Variants in IQGAP2 observed in about 807,000 individuals in gnomAD.
IQGAP2 encodes ras GTPase-activating-like protein IQGAP2.
A neutral mutation model predicts 201.3 loss-of-function variants in IQGAP2; 173 were observed. The ratio of observed to expected loss-of-function variants is 0.86; its 90% CI spans 0.76 to 0.98. The LOEUF is 0.98. Ranked by LOEUF, IQGAP2 falls within the 50% of genes least tolerant of loss-of-function variation. IQGAP2 has a pLI of 0.00. For synonymous variants in IQGAP2, 675 were observed against 673.9 expected (o/e 1.00, Z -0.03); for missense variants, 1,687 against 1,864.8 (o/e 0.90, Z 1.76).
chr5:76,667,918 G>A (rs1354238267), intron 22 of IQGAP2, among the ~76,000 whole-genome samples: 3 of 125,708 alleles, frequency 2.4e-5, no homozygotes, highest in Non-Finnish European at 4.7e-5. Context: ...AGTCTGTGTT[G>A]TCTAGGCTGG....
rs980636272 is a variant in IQGAP2, at chr5:76,403,492, A to G, written c.-54A>G. 2.9e-6 allele frequency: 4 copies of G among 1,382,596 alleles called. No homozygotes were observed. Among genetic ancestry groups the G allele is most frequent in the Non-Finnish European group, 3.8e-6 (4 of 1,065,928 alleles). 85.6% of individuals were successfully genotyped at this position (1,382,596 alleles called of 1,614,324 possible). On this transcript the variant is annotated 5_prime_UTR_variant, in exon 1 of 36. Transcript: ENST00000274364. This position sits in a 1 kb window ranked among gnomAD's most constrained non-coding sequence, Gnocchi z 4.8. ...GGGCGCAGAGCCCGCGAGCCTGGCC[A>G]GCGAGGGTAGCCGCGGGGGGCGCGC...
intron 35 of IQGAP2, among the ~76,000 whole-genome samples, chr5:76,706,467 C>G (rs866308257): frequency 6.6e-6 from 1 of 152,076 alleles, no homozygotes; most frequent in East Asian, 1.9e-4. Flanking sequence ...CCTGCCTCAG[C>G]CTCCTGAGTA....
chr5:76,463,752 A>T (rs1454480239), intron 2 of IQGAP2, among the ~76,000 whole-genome samples: 3 of 152,200 alleles, frequency 2.0e-5, no homozygotes, highest in Non-Finnish European at 4.4e-5. Context: ...TTTTCCTCTA[A>T]GATGGCTTTT....
intron 9 of IQGAP2, among the ~76,000 whole-genome samples, chr5:76,593,514 T>C (rs145459417): frequency 4.6e-5 from 7 of 152,308 alleles, no homozygotes; most frequent in Non-Finnish European, 1.0e-4. Context: ...AGTGTCTGAT[T>C]GTAAAGAACA....
intron 2 of IQGAP2, among the ~76,000 whole-genome samples, chr5:76,528,434 A>G (rs899629662): frequency 2.0e-5 from 3 of 152,224 alleles, no homozygotes; most frequent in South Asian, 2.1e-4. Context: ...GGAAGCAGGT[A>G]AAAGGTGTCA....
At chr5:76,588,438 CTATT>C (rs1477947386) in intron 5 of IQGAP2, among the ~76,000 whole-genome samples, 1 of 152,132 alleles carries the variant, frequency 6.6e-6, no homozygotes, top group Non-Finnish European at 1.5e-5. Flanking sequence ...TCTTGCCACT[CTATT>C]TATTGGTTTA....
intron 21 of IQGAP2, chr5:76,660,162 G>T (rs1005918178): frequency 6.6e-6 from 1 of 152,216 alleles, no homozygotes; most frequent in African/African-American, 2.4e-5. Flanking sequence ...GCAGCCACAG[G>T]AGGCTGCCAG....
chr5:76,487,214 T>C (rs542725152), intron 2 of IQGAP2, among the ~76,000 whole-genome samples: 2 of 152,038 alleles, frequency 1.3e-5, no homozygotes, highest in South Asian at 2.1e-4. Context: ...TTTTCCTGCC[T>C]CAACCTCCTG....
At chr5:76,537,136 A>G (rs1474634417) in intron 2 of IQGAP2, among the ~76,000 whole-genome samples, 1 of 152,230 alleles carries the variant, frequency 6.6e-6, no homozygotes, top group Non-Finnish European at 1.5e-5. Context: ...CTTACTAAAC[A>G]AAATTCCTTT....
intron 29 of IQGAP2, 48 bp from the exon 30 acceptor site, chr5:76,683,728 A>C (rs1295373564): frequency 2.0e-5 from 31 of 1,553,586 alleles, no homozygotes; most frequent in Non-Finnish European, 2.3e-5. Context: ...TGGTGCCATC[A>C]TCACAAAGAG....
intron 13 of IQGAP2, among the ~76,000 whole-genome samples, chr5:76,625,997 T>A (rs1750185805): frequency 6.6e-6 from 1 of 152,226 alleles, no homozygotes. Flanking sequence ...CCACTTAATA[T>A]CTGTCAGGGC....
chr5:76,636,236 T>G (rs1335018884), intron 15 of IQGAP2, among the ~76,000 whole-genome samples: 1 of 152,258 alleles, frequency 6.6e-6, no homozygotes, highest in African/African-American at 2.4e-5. Flanking sequence ...TTAGAACTTC[T>G]TATGTTTTTC....
At chr5:76,595,045 T>C (rs550425836) in intron 9 of IQGAP2, among the ~76,000 whole-genome samples, 2 of 152,096 alleles carry the variant, frequency 1.3e-5, no homozygotes, top group African/African-American at 4.8e-5. Flanking sequence ...TATATTAAAA[T>C]GTTAAGGCAT....
chr5:76,485,168 T>C (rs1033133570), intron 2 of IQGAP2, among the ~76,000 whole-genome samples: 1 of 151,914 alleles, frequency 6.6e-6, no homozygotes, highest in Admixed American at 6.6e-5. Context: ...CACCTCGAGG[T>C]AGGGTGCGAA....
chr5:76,617,969 A>G, intron 13 of IQGAP2: 1 of 1,614,158 alleles, frequency 6.2e-7, no homozygotes, highest in Non-Finnish European at 8.5e-7. Context: ...TGTGAACATC[A>G]TGGCAGGTGG....
At chr5:76,484,224 A>G (rs1755973904) in intron 2 of IQGAP2, among the ~76,000 whole-genome samples, 1 of 152,140 alleles carries the variant, frequency 6.6e-6, no homozygotes, top group Non-Finnish European at 1.5e-5. Flanking sequence ...AAAATAGAGC[A>G]TGTAATTTCA....
chr5:76,700,071 TAGGA>T (rs1228230751), intron 33 of IQGAP2, among the ~76,000 whole-genome samples: 1 of 151,898 alleles, frequency 6.6e-6, no homozygotes, highest in South Asian at 2.1e-4. Context: ...ACACTAAATA[TAGGA>T]AGGAAGGAAG....
intron 17 of IQGAP2, among the ~76,000 whole-genome samples, chr5:76,647,786 T>C (rs1752173244): frequency 6.6e-6 from 1 of 151,362 alleles, no homozygotes; most frequent in Non-Finnish European, 1.5e-5. Flanking sequence ...AAGACAGAAA[T>C]AATTTCAGAC....
chr5:76,451,278 C>CT (rs899966080), intron 1 of IQGAP2, among the ~76,000 whole-genome samples: 5 of 152,114 alleles, frequency 3.3e-5, no homozygotes, highest in Non-Finnish European at 5.9e-5. Context: ...TCCTCTTCCT[C>CT]TTGTTCCTTC....
Sources: allele counts gnomAD v4.1 joint callset (sites outside exome capture counted in the v4.1 genomes callset), GRCh38; gene constraint gnomAD v4.1.1; non-coding constraint Gnocchi (gnomAD v3.1); transcripts MANE v1.5; gene names NCBI Gene and HGNC (gene_info 2026-07-23, HGNC 2026-07-21).